PPP2R5C: variants seen among roughly 807,000 people sequenced by gnomAD.
PPP2R5C encodes the protein protein phosphatase 2 regulatory subunit B'gamma.
PPP2R5C carries 7 observed loss-of-function variants against 68.9 expected under a neutral mutation model. The observed-to-expected ratio is 0.10, with a 90% CI of 0.06 to 0.19. The LOEUF is 0.19. PPP2R5C is among the 10% of genes least tolerant of loss of function. PPP2R5C has a pLI of 1.00. For missense variants in PPP2R5C, 348 were observed against 641.3 expected, an observed-to-expected ratio of 0.54 and a Z score of 4.94; for synonymous variants, 210 against 222.2, an observed-to-expected ratio of 0.95 and a Z score of 0.49.
intron 3 of PPP2R5C, 21 bp downstream of exon 3, chr14:101,786,204 A>C: frequency 2.0e-6 from 3 of 1,519,540 alleles, no homozygotes; most frequent in Non-Finnish European, 2.6e-6. Context: ...TTTGTCTTTT[A>C]AAAGTTAAAT....
chr14:101,775,312 A>G (rs1001581479), intron 2 of PPP2R5C, among the ~76,000 whole-genome samples: 3 of 152,166 alleles, frequency 2.0e-5, no homozygotes, highest in African/African-American at 7.2e-5. Context: ...AATCCCTTAT[A>G]TGATAAAACA....
chr14:101,858,839 C>T (rs2042590500), intron 2 of PPP2R5C, among the ~76,000 whole-genome samples: 1 of 152,194 alleles, frequency 6.6e-6, no homozygotes, highest in Non-Finnish European at 1.5e-5. Context: ...CAAATGCCCG[C>T]CCTTGAACCG....
chr14:101,903,949 C>T (rs1160863895), intron 9 of PPP2R5C, among the ~76,000 whole-genome samples: 3 of 152,166 alleles, frequency 2.0e-5, no homozygotes, highest in South Asian at 4.1e-4. Context: ...GCTGAGATTA[C>T]AGGCATAAGC....
Position 101,882,023 on chromosome 14 carries a change from C to T in PPP2R5C, c.295-138C>T, listed in dbSNP as rs1050725784. 4.7e-6 allele frequency: 3 copies of T among 638,722 alleles called. No homozygotes were observed. The highest frequency in any genetic ancestry group is 7.6e-6 in the Non-Finnish European group (3 of 393,528). 39.6% of individuals were successfully genotyped at this position (638,722 alleles called of 1,614,324 possible). A position where few individuals can be genotyped will look rare whatever the true frequency, so the allele number is the denominator to read the frequency against. On this transcript the variant is annotated intron_variant, in intron 2 of 13. Coordinates refer to ENST00000334743, the Ensembl canonical transcript of PPP2R5C. This position sits in a 1 kb window ranked among gnomAD's most constrained non-coding sequence, Gnocchi z 4.9. ...AGGCTCTCTCTGAGGACCCACACAGCTTCTGCGTTTTGAGGATACGGAGGA... is the reference window on the plus strand; with the variant it reads ...AGGCTCTCTCTGAGGACCCACACAGTTTCTGCGTTTTGAGGATACGGAGGA...
intron 2 of PPP2R5C, among the ~76,000 whole-genome samples, chr14:101,858,579 A>T (rs2042571042): frequency 6.6e-6 from 1 of 151,842 alleles, no homozygotes; most frequent in African/African-American, 2.4e-5. Context: ...TTTCTTCTAA[A>T]ATTATTGAAA....
intron 2 of PPP2R5C, among the ~76,000 whole-genome samples, chr14:101,775,553 G>A (rs1018190852): frequency 6.6e-6 from 1 of 152,192 alleles, no homozygotes; most frequent in Non-Finnish European, 1.5e-5. Context: ...CGTTGTCCCT[G>A]AGCGTGAGGG....
In PPP2R5C at chr14:101,816,958, A is replaced by G. The variant is rs939712244; in HGVS notation, c.94+6922A>G. 5.5e-4 allele frequency among the ~76,000 whole-genome samples: 77 copies of G among 140,840 alleles called. No individual in the cohort carries two copies. The South Asian group carries it at 0.011, about 19-fold the overall frequency. 92.4% of individuals were successfully genotyped at this position (140,840 alleles called of 152,430 possible). On this transcript the variant is annotated intron_variant, in intron 1 of 13. Transcript: ENST00000334743. The stretch of plus-strand genomic sequence containing the variant: ...TATAATATAAAAATATTATATATGT[A>G]TATATATTTTTTTTTTTTGAGATGG...
chr14:101,856,986 C>A (rs1265703378), intron 2 of PPP2R5C, 101 bp downstream of exon 4: 8 of 1,124,448 alleles, frequency 7.1e-6, no homozygotes, highest in Non-Finnish European at 7.7e-6. Flanking sequence ...GAGAAGAATC[C>A]TCCTGTTCCA....
At chr14:101,852,041 A>T (rs1213834415) in intron 1 of PPP2R5C, among the ~76,000 whole-genome samples, 1 of 152,194 alleles carries the variant, frequency 6.6e-6, no homozygotes, top group African/African-American at 2.4e-5. Flanking sequence ...TTCACTGCCC[A>T]GTAGTGGTCT....
rs1195816277 is a variant in PPP2R5C, at chr14:101,781,089, A to G, written c.94-4929A>G. 1.3e-5 allele frequency among the ~76,000 whole-genome samples: 2 copies of G among 152,002 alleles called. No individual in the cohort carries two copies. The highest frequency in any genetic ancestry group is 2.4e-5 in the African/African-American group (1 of 41,400). On this transcript the variant is annotated intron_variant, in intron 2 of 14. Coordinates refer to the PPP2R5C transcript ENST00000328724. The surrounding 1 kb of genome is among the most constrained non-coding windows in gnomAD (Gnocchi z 6.4). ...TCCCTAGCCGTCTCCCTCCAGCTAC[A>G]GGTGCCTTGCGGTGCCGCCACTGGA...
At chr14:101,894,449 A>C in intron 7 of PPP2R5C, 58 bp from the exon 10 acceptor site, 11 of 1,518,626 alleles carry the variant, frequency 7.2e-6, no homozygotes, top group Non-Finnish European at 1.0e-5. Context: ...ATTCTAGAAG[A>C]AGCACAGCAG....
At chr14:101,894,131 T>A (rs1267805748) in intron 7 of PPP2R5C, among the ~76,000 whole-genome samples, 1 of 152,256 alleles carries the variant, frequency 6.6e-6, no homozygotes, top group Non-Finnish European at 1.5e-5. Context: ...TATCATATTG[T>A]TGTACAAAAG....
intron 2 of PPP2R5C, among the ~76,000 whole-genome samples, chr14:101,775,227 A>T (rs1361898567): frequency 6.6e-6 from 1 of 152,246 alleles, no homozygotes; most frequent in Non-Finnish European, 1.5e-5. Flanking sequence ...AACAATAAAT[A>T]TCTTATATCT....
At chr14:101,904,080 A>G (rs1289475249) in intron 9 of PPP2R5C, among the ~76,000 whole-genome samples, 1 of 152,196 alleles carries the variant, frequency 6.6e-6, no homozygotes, top group Non-Finnish European at 1.5e-5. Context: ...TCTGTTTTCT[A>G]AATCAGGCTT....
At chr14:101,918,813 T>C (rs533150868) in intron 13 of PPP2R5C, among the ~76,000 whole-genome samples, 1 of 149,186 alleles carries the variant, frequency 6.7e-6, no homozygotes, top group African/African-American at 2.5e-5. Context: ...GCTGCCGTGT[T>C]TCCCTGAGCG....
chr14:101,870,284 T>G (rs1044488223), intron 2 of PPP2R5C, among the ~76,000 whole-genome samples: 1 of 152,128 alleles, frequency 6.6e-6, no homozygotes, highest in Non-Finnish European at 1.5e-5. Context: ...CTGCCAAACC[T>G]AAGCTCACAA....
At chr14:101,919,930 C>T (rs61099602) in intron 13 of PPP2R5C, among the ~76,000 whole-genome samples, 27,828 of 140,272 alleles carry the variant, frequency 0.2, 4,309 homozygotes, top group African/African-American at 0.44. Flanking sequence ...GATGGTGCCA[C>T]TGCACTCCAG....
chr14:101,761,845 G>A (rs1235393815), upstream of PPP2R5C: 1 of 1,032,868 alleles, frequency 9.7e-7, no homozygotes, highest in Non-Finnish European at 1.2e-6. Flanking sequence ...GCTGCTGCGG[G>A]GGCAGGCGGC....
At chr14:101,770,650 C>T (rs2037096930) in intron 2 of PPP2R5C, among the ~76,000 whole-genome samples, 2 of 152,214 alleles carry the variant, frequency 1.3e-5, no homozygotes, top group South Asian at 4.1e-4. Flanking sequence ...TCTCCCTCTT[C>T]AGTAAAAGCT....
Sources: gnomAD v4.1 joint callset for allele counts (sites outside exome capture counted in the v4.1 genomes callset) on GRCh38, gnomAD v4.1.1 for gene constraint, Gnocchi (gnomAD v3.1) non-coding constraint, MANE v1.5 for transcripts, NCBI Gene and HGNC (gene_info 2026-07-23, HGNC 2026-07-21) for gene names.